The following CDK7 variants were observed in gnomAD, a reference collection of about 807,000 sequenced individuals.
The protein encoded by CDK7 is cyclin-dependent kinase 7.
In CDK7, 25 loss-of-function variants were observed where a neutral mutation model predicts 49.1. The ratio of observed to expected loss-of-function variants is 0.51; its 90% CI spans 0.37 to 0.71. The LOEUF (loss-of-function observed/expected upper bound fraction) is 0.71. Ranked by LOEUF, CDK7 falls within the 30% of genes least tolerant of loss-of-function variation. CDK7 has a pLI of 0.00. For missense variants in CDK7, 316 were observed against 411.7 expected (o/e 0.77, Z 2.01); for synonymous variants, 107 against 140.0 (o/e 0.76, Z 1.67).
At chr5:69,262,160 T>G (rs1750866686) in intron 7 of CDK7, 45 bp from the exon 8 acceptor site, 6 of 1,611,856 alleles carry the variant, frequency 3.7e-6, no homozygotes, top group Non-Finnish European at 5.1e-6. Flanking sequence ...AGAAGTGCTT[T>G]GATAATTTCA....
At chr5:69,266,728 A>C (rs1020933710) in intron 8 of CDK7, among the ~76,000 whole-genome samples, 6 of 151,114 alleles carry the variant, frequency 4.0e-5, no homozygotes, top group African/African-American at 1.5e-4. Flanking sequence ...AAAGGAACCG[A>C]TGGATATGAT....
At chr5:69,248,454 G>A (rs141514420) in intron 2 of CDK7, among the ~76,000 whole-genome samples, 12 of 151,440 alleles carry the variant, frequency 7.9e-5, no homozygotes, top group Admixed American at 3.3e-4. Flanking sequence ...ATGGCATGTC[G>A]TTGGCTCACC....
At chr5:69,271,286 A>G (rs539780246) in intron 9 of CDK7, among the ~76,000 whole-genome samples, 46 of 151,792 alleles carry the variant, frequency 3.0e-4, no homozygotes, top group South Asian at 1.5e-3. Flanking sequence ...CCATTTTCTG[A>G]TTGGATTCTT....
At chr5:69,237,902 TGG>T (rs1749112234) in intron 2 of CDK7, among the ~76,000 whole-genome samples, 1 of 152,202 alleles carries the variant, frequency 6.6e-6, no homozygotes, top group Admixed American at 6.5e-5. Flanking sequence ...TCACTATGCC[TGG>T]CCTATTTCTT....
intron 2 of CDK7, among the ~76,000 whole-genome samples, chr5:69,240,753 G>A (rs781324964): frequency 3.3e-5 from 5 of 151,950 alleles, no homozygotes; most frequent in Middle Eastern, 3.2e-3. Context: ...TCAGCCTCCC[G>A]AGTAGCTGGG....
At position 69,254,646 on chromosome 5, in the gene CDK7, C is replaced by A; in HGVS notation, c.205C>A (p.Leu69Ile). Reference sequence around the variant, plus strand: ...AAGAGAGATAAAATTATTACAGGAGCTAAGTCATCCAAATATAATTGGTGT... The same window carrying A: ...AAGAGAGATAAAATTATTACAGGAGATAAGTCATCCAAATATAATTGGTGT... ...ALREIKLLQE[L>I]SHPNIIGLLD... Residue 69 changes from leucine to isoleucine, a missense_variant, in exon 4 of 12, where the codon CTA becomes ATA. Transcript: ENST00000256443. 6.5e-7 allele frequency: 1 copy of A among 1,540,292 alleles called. No individual in the cohort carries two copies. Among genetic ancestry groups the A allele is most frequent in the Non-Finnish European group, 9.0e-7 (1 of 1,113,246 alleles).
chr5:69,272,522 T>C (rs924316892), intron 9 of CDK7, among the ~76,000 whole-genome samples: 1 of 152,216 alleles, frequency 6.6e-6, no homozygotes, highest in African/African-American at 2.4e-5. Context: ...GTGAACACGA[T>C]ATGTTTCACC....
At chr5:69,260,078 G>T (rs1750719559) in intron 7 of CDK7, 142 bp downstream of exon 7, 1 of 607,708 alleles carries the variant, frequency 1.6e-6, no homozygotes, top group Admixed American at 3.1e-5. Context: ...GCCAGGCGCG[G>T]TGACTCATGC....
chr5:69,242,418 G>A (rs1412268574), intron 2 of CDK7, among the ~76,000 whole-genome samples: 1 of 152,076 alleles, frequency 6.6e-6, no homozygotes, highest in Non-Finnish European at 1.5e-5. Flanking sequence ...CTTCATATGG[G>A]CTCCTGGTCC....
In CDK7 at chr5:69,277,111, A is replaced by T; in HGVS notation, c.1017A>T (p.Gly339=). The T allele has an allele frequency of 6.3e-7, 1 of 1,596,424 alleles. No individual in the cohort carries two copies. Among genetic ancestry groups the T allele is most frequent in the Non-Finnish European group, 8.5e-7 (1 of 1,172,980 alleles). The change falls in exon 12 of 12, where the codon GGA becomes GGT. Residue 339 remains glycine (G), a synonymous_variant. Coordinates refer to ENST00000256443, the MANE Select transcript of CDK7 (RefSeq NM_001799.4). ...RKRTEALEQG[G]LPKKLIF is the part of the protein sequence containing the mutation. The stretch of plus-strand genomic sequence containing the variant: ...CTTGTTCTTTTTGCTTCCTAGGAGG[A>T]TTGCCCAAGAAACTAATTTTTTAAA...
chr5:69,255,438 T>C, intron 4 of CDK7, 22 bp from the exon 5 acceptor site: 2 of 1,452,288 alleles, frequency 1.4e-6, no homozygotes, highest in South Asian at 1.3e-5. Flanking sequence ...GTGAATCACA[T>C]TTTAATTTTT....
At chr5:69,235,553 TGA>T (rs934450993) in intron 2 of CDK7, 100 bp downstream of exon 2, 8 of 797,922 alleles carry the variant, frequency 1.0e-5, no homozygotes, top group Non-Finnish European at 1.7e-5. Flanking sequence ...ACTCTGATAA[TGA>T]GTTACTCATG....
At chr5:69,268,727 C>T (rs1448975350) in intron 8 of CDK7, among the ~76,000 whole-genome samples, 1 of 151,456 alleles carries the variant, frequency 6.6e-6, no homozygotes, top group African/African-American at 2.4e-5. Context: ...GTGGCGGGCG[C>T]CTGTAGTCCC....
chr5:69,254,192 G>A (rs894027887), intron 3 of CDK7, among the ~76,000 whole-genome samples: 12 of 152,084 alleles, frequency 7.9e-5, no homozygotes, highest in Non-Finnish European at 1.3e-4. Flanking sequence ...TGTGGGTAAT[G>A]TTCACTATTT....
chr5:69,241,786 G>A (rs1749408387), intron 2 of CDK7, among the ~76,000 whole-genome samples: 1 of 152,060 alleles, frequency 6.6e-6, no homozygotes, highest in Admixed American at 6.6e-5. Flanking sequence ...AGTTGTTTGA[G>A]CTTCTTATAT....
At chr5:69,270,454 A>G (rs1169455159) in intron 9 of CDK7, among the ~76,000 whole-genome samples, 1 of 152,194 alleles carries the variant, frequency 6.6e-6, no homozygotes, top group African/African-American at 2.4e-5. Context: ...TCTCAAAACT[A>G]TAATAGTAAT....
chr5:69,261,176 T>G (rs1048389482), intron 7 of CDK7, among the ~76,000 whole-genome samples: 3 of 152,140 alleles, frequency 2.0e-5, no homozygotes, highest in Non-Finnish European at 4.4e-5. Context: ...TCACTGAGTA[T>G]AAATCACCTA....
chr5:69,263,086 T>C (rs1429265757), intron 8 of CDK7, among the ~76,000 whole-genome samples: 1 of 152,214 alleles, frequency 6.6e-6, no homozygotes, highest in Non-Finnish European at 1.5e-5. Flanking sequence ...AGCATTTCTG[T>C]GACTGAGACC....
Position 69,243,822 on chromosome 5 carries a change from A to G in CDK7, c.126+8369A>G, listed in dbSNP as rs571944095. Among the ~76,000 whole-genome samples, 408 of 105,870 alleles carry G rather than the reference A, an allele frequency of 3.9e-3. 1 individual carries two copies. The highest frequency in any genetic ancestry group is 0.014 in the African/African-American group (392 of 28,868). The allele number at this position is 105,870 out of a possible 152,430, so 69.5% of individuals were successfully genotyped here. On this transcript the variant is annotated intron_variant, in intron 2 of 11. Transcript: ENST00000256443. ...GTCTTCAATTTCTTTCACCAATGAT[A>G]GTTGTTTTTTTTTTTTTTTTTTTTT...
Sources: gnomAD v4.1 joint callset for allele counts (sites outside exome capture counted in the v4.1 genomes callset) on GRCh38, gnomAD v4.1.1 for gene constraint, MANE v1.5 for transcripts, NCBI Gene and HGNC (gene_info 2026-07-23, HGNC 2026-07-21) for gene names.